Variants in PRDM1 observed in about 807,000 individuals in gnomAD.
PRDM1 encodes PR/SET domain 1.
Under a neutral mutation model 62.8 loss-of-function variants are expected in PRDM1, and 13 were observed. The observed-to-expected ratio is 0.21, with a 90% CI of 0.13 to 0.33. The LOEUF is 0.33. Ranked by LOEUF, PRDM1 falls within the 10% of genes least tolerant of loss-of-function variation. The probability of loss-of-function intolerance (pLI) is 1.00; values close to 1 mark genes in which losing one functional copy is unlikely to be tolerated. For synonymous variants in PRDM1, 396 were observed against 417.6 expected, an observed-to-expected ratio of 0.95 and a Z score of 0.63; for missense variants, 895 against 1,058.8, an observed-to-expected ratio of 0.85 and a Z score of 2.15.
chr6:106,103,127 CG>C (rs1562172106), intron 4 of PRDM1, among the ~76,000 whole-genome samples: 1 of 152,088 alleles, frequency 6.6e-6, no homozygotes, highest in South Asian at 2.1e-4. Flanking sequence ...CTTTCCATCA[CG>C]GCCCCCCCGT....
At chr6:106,035,600 G>C (rs1208956881) in intron 1 of PRDM1, among the ~76,000 whole-genome samples, 2 of 152,032 alleles carry the variant, frequency 1.3e-5, no homozygotes, top group Non-Finnish European at 2.9e-5. Context: ...CATTACTCCA[G>C]CCTGGGTGAC....
intron 1 of PRDM1, among the ~76,000 whole-genome samples, chr6:106,043,361 A>G (rs1325136227): frequency 6.6e-6 from 1 of 152,204 alleles, no homozygotes; most frequent in Admixed American, 6.5e-5. Context: ...GTTTTGCTGA[A>G]TATCATATAC....
At chr6:106,041,368 T>C (rs1160010272) in intron 1 of PRDM1, among the ~76,000 whole-genome samples, 1 of 152,248 alleles carries the variant, frequency 6.6e-6, no homozygotes, top group Non-Finnish European at 1.5e-5. Flanking sequence ...TTGAAAAATA[T>C]CTGGGACATC....
intron 1 of PRDM1, among the ~76,000 whole-genome samples, chr6:106,019,476 A>G (rs1248530714): frequency 2.0e-5 from 3 of 151,656 alleles, no homozygotes; most frequent in Non-Finnish European, 2.9e-5. Flanking sequence ...AAATTTGATT[A>G]ATTTGCGTTT....
At chr6:106,059,608 G>A (rs1013608105) in intron 1 of PRDM1, among the ~76,000 whole-genome samples, 2 of 152,220 alleles carry the variant, frequency 1.3e-5, no homozygotes, top group African/African-American at 4.8e-5. Context: ...GTGACATGAT[G>A]TGATTTATGC....
chr6:106,007,816 C>CT (rs1772500913), intron 1 of PRDM1, among the ~76,000 whole-genome samples: 1 of 152,176 alleles, frequency 6.6e-6, no homozygotes, highest in Non-Finnish European at 1.5e-5. Context: ...CTCCTAACGA[C>CT]TTTCTCCAGC....
intron 1 of PRDM1, among the ~76,000 whole-genome samples, chr6:105,996,983 T>C (rs1465750537): frequency 6.6e-6 from 1 of 152,240 alleles, no homozygotes; most frequent in Non-Finnish European, 1.5e-5. Context: ...TCAGCTTCTT[T>C]AATGACTAGG....
intron 1 of PRDM1, among the ~76,000 whole-genome samples, chr6:106,004,232 A>T (rs376929138): frequency 6.6e-6 from 1 of 152,040 alleles, no homozygotes; most frequent in Non-Finnish European, 1.5e-5. Flanking sequence ...GCTGGGGGGA[A>T]CTTCCCAGGT....
At chr6:106,027,095 A>G (rs1470856844) in intron 1 of PRDM1, among the ~76,000 whole-genome samples, 1 of 152,126 alleles carries the variant, frequency 6.6e-6, no homozygotes, top group Non-Finnish European at 1.5e-5. Flanking sequence ...GTCCTATGTG[A>G]TCTATTCGAA....
chr6:106,021,153 G>A (rs1772692393), intron 1 of PRDM1, among the ~76,000 whole-genome samples: 1 of 152,238 alleles, frequency 6.6e-6, no homozygotes. Context: ...GCAAGACTGT[G>A]TAATCTGATG....
chr6:106,066,547 T>C (rs1048353500), intron 1 of PRDM1, among the ~76,000 whole-genome samples: 5 of 152,216 alleles, frequency 3.3e-5, no homozygotes, highest in African/African-American at 1.2e-4. Flanking sequence ...ATGTTTAAGA[T>C]TCTTGCATCC....
At chr6:106,050,886 T>G (rs1773162292) in intron 1 of PRDM1, among the ~76,000 whole-genome samples, 1 of 152,156 alleles carries the variant, frequency 6.6e-6, no homozygotes, top group South Asian at 2.1e-4. Context: ...AAAAGGCATA[T>G]CCTTAATGAA....
Position 106,099,545 on chromosome 6 carries a change from G to T in PRDM1, c.657G>T (p.Met219Ile), listed in dbSNP as rs1412341862. 1 of 1,614,104 alleles carries T rather than the reference G, an allele frequency of 6.2e-7. No homozygotes were observed. The part of the protein sequence containing the change: ...HYPYPGELTM[M>I]NLTQTQSSLK... ...CTTATCCCGGAGAGCTGACAATGAT[G>T]AATCTCAGTAAGTGGATTACAGAAC... Residue 219 changes from methionine to isoleucine, a missense_variant, in exon 4 of 7, where the codon ATG (methionine) becomes ATT (isoleucine). This residue lies in a region of PRDM1 where 213 missense variants were observed against 283.9 expected (regional missense o/e 0.75). Transcript: ENST00000369096.
rs573186803 is a variant in PRDM1, at chr6:106,035,381, G to A, written c.-67+41742G>A. ...TCATGCCTGTAATCTCAGCACTTTGGAAGACTGAGGCAGGAGAATCGCTTG... is the reference window on the plus strand; with the variant it reads ...TCATGCCTGTAATCTCAGCACTTTGAAAGACTGAGGCAGGAGAATCGCTTG... On this transcript the variant is annotated intron_variant, in intron 1 of 6. Coordinates refer to the PRDM1 transcript ENST00000652320. 4.6e-5 allele frequency among the ~76,000 whole-genome samples: 7 copies of A among 152,184 alleles called. No individual in the cohort carries two copies. In the South Asian group the frequency reaches 1.5e-3, roughly 32 times the overall value.
At position 106,107,164 on chromosome 6, in the gene PRDM1, C is replaced by G. The variant is rs2114663979; in HGVS notation, c.2156C>G (p.Pro719Arg). 6.2e-7 allele frequency: 1 copy of G among 1,614,168 alleles called. No homozygotes were observed. The change falls in exon 7 of 7, where the codon CCC becomes CGC. Residue 719 changes from proline to arginine, a missense_variant. Pro to Arg is a moderately radical substitution (Grantham distance 103, BLOSUM62 -2). Transcript: ENST00000369096. Reference sequence around the variant, plus strand: ...GCTGCGGCCCCGGCGCCTGGGCTGCCCTTGGAAGATCTGACCCGAATCAAT... The same window carrying G: ...GCTGCGGCCCCGGCGCCTGGGCTGCGCTTGGAAGATCTGACCCGAATCAAT... ...NCAAAPAPGL[P>R]LEDLTRINEE...
intron 1 of PRDM1, among the ~76,000 whole-genome samples, chr6:106,030,886 G>A (rs1772834668): frequency 6.6e-6 from 1 of 151,994 alleles, no homozygotes; most frequent in Admixed American, 6.6e-5. Flanking sequence ...CTGTATATCT[G>A]AAGTGATCCT....
upstream of PRDM1, chr6:106,046,028 C>G (rs1399819964): frequency 6.6e-6 from 1 of 151,888 alleles, no homozygotes; most frequent in Admixed American, 6.6e-5. Flanking sequence ...ACAAAAATGT[C>G]ACCATTGTTT....
intron 1 of PRDM1, among the ~76,000 whole-genome samples, chr6:106,040,102 T>A (rs1772973381): frequency 6.6e-6 from 1 of 152,266 alleles, no homozygotes; most frequent in Non-Finnish European, 1.5e-5. Context: ...GAAGAAATGA[T>A]TAAGCAGCCA....
rs1323605812 is a variant in PRDM1, at chr6:106,109,694, A to G, written c.*2208A>G. The G allele has an allele frequency of 4.3e-6, 1 of 233,204 alleles. No individual in the cohort carries two copies. The highest frequency in any genetic ancestry group is 8.5e-6 in the Non-Finnish European group (1 of 117,820). The allele number at this position is 233,204 out of a possible 1,614,324, so 14.4% of individuals were successfully genotyped here. A position where few individuals can be genotyped will look rare whatever the true frequency, so the allele number is the denominator to read the frequency against. ...GCTTTCCCATAGTGAGAATTTTTAT[A>G]AAGACTTCTTGCTTCTCTCACCATC... On this transcript the variant is annotated 3_prime_UTR_variant, in exon 7 of 7. Transcript: ENST00000369096.
Sources: gnomAD v4.1 joint callset for allele counts (sites outside exome capture counted in the v4.1 genomes callset) on GRCh38, gnomAD v4.1.1 for gene constraint, gnomAD v4.1.1 regional missense constraint, MANE v1.5 for transcripts, NCBI Gene and HGNC (gene_info 2026-07-23, HGNC 2026-07-21) for gene names.